RBFOX1: variants seen among roughly 807,000 people sequenced by gnomAD.
RBFOX1 encodes the protein RNA binding protein fox-1 homolog 1.
RBFOX1 carries 8 observed loss-of-function variants against 57.7 expected under a neutral mutation model. That is an observed-to-expected ratio of 0.14 (90% confidence interval 0.08 to 0.25). The LOEUF is 0.25. Ranked by LOEUF, RBFOX1 falls within the 10% of genes least tolerant of loss-of-function variation. The probability of loss-of-function intolerance (pLI) is 1.00; values close to 1 mark genes in which losing one functional copy is unlikely to be tolerated. For missense variants in RBFOX1, 611 were observed against 548.5 expected (o/e 1.11, Z -1.14); for synonymous variants, 326 against 222.4 (o/e 1.47, Z -4.15).
chr16:5,928,966 G>A lies in RBFOX1; in HGVS notation c.351+61631G>A, dbSNP rs184901655. Among the ~76,000 whole-genome samples the A allele has an allele frequency of 4.0e-5, 6 of 151,356 alleles. No individual in the cohort carries two copies. In the South Asian group the frequency reaches 1.2e-3, roughly 31 times the overall value. The stretch of plus-strand genomic sequence containing the variant: ...AGGGATGCTCGCCTCAAAAGGAGGG[G>A]TTGCAGATCCAGCTGTGAGCTGGTC... On this transcript the variant is annotated intron_variant, in intron 4 of 19. Transcript: ENST00000641259.
chr16:7,139,693 G>A (rs1260530385), intron 4 of RBFOX1, among the ~76,000 whole-genome samples: 3 of 152,146 alleles, frequency 2.0e-5, no homozygotes, highest in Non-Finnish European at 4.4e-5. Flanking sequence ...TTTCAAGAAT[G>A]TTGGGTTGGT....
chr16:5,269,344 T>C (rs558371935), intron 1 of RBFOX1, among the ~76,000 whole-genome samples: 184 of 152,392 alleles, frequency 1.2e-3, no homozygotes, highest in African/African-American at 4.2e-3. Flanking sequence ...TGGCCACTTA[T>C]ATGTCTTCCT....
Position 7,439,945 on chromosome 16 carries a change from C to CT in RBFOX1, c.28-78199dup, listed in dbSNP as rs1223191346. Among the ~76,000 whole-genome samples, 182 of 113,382 alleles carry CT rather than the reference C, an allele frequency of 1.6e-3. 11 individuals carry two copies. The highest frequency in any genetic ancestry group is 2.1e-3 in the Non-Finnish European group (113 of 53,584). 74.4% of individuals were successfully genotyped at this position (113,382 alleles called of 152,430 possible). A position where few individuals can be genotyped will look rare whatever the true frequency, so the allele number is the denominator to read the frequency against. On this transcript the variant is annotated intron_variant, in intron 4 of 15. Coordinates refer to ENST00000550418, the MANE Select transcript of RBFOX1 (RefSeq NM_018723.4). ...GAACCACAAAACAACCAAATCTTTT[C>CT]TTTCTTTTTTTTTTTTTTTTTTTTG...
At chr16:7,131,178 C>G (rs752120648) in intron 4 of RBFOX1, among the ~76,000 whole-genome samples, 5 of 151,830 alleles carry the variant, frequency 3.3e-5, no homozygotes, top group African/African-American at 4.8e-5. Context: ...AACCACATCT[C>G]TACTAAAAAT....
rs1256765928 is a variant in RBFOX1 at position 5,488,523 on chromosome 16, AGAT to A, written c.258+21274_258+21276del. 2.3e-5 allele frequency among the ~76,000 whole-genome samples: 3 copies of A among 129,382 alleles called. No homozygotes were observed. The East Asian group carries it at 7.6e-4, about 33-fold the overall frequency. 84.9% of individuals were successfully genotyped at this position (129,382 alleles called of 152,430 possible). ...TTATAGTGATGATGGTGATGATTGAAGATGATGGTGTGGCGGGGTGTGATGGTG... is the reference window on the plus strand; with the variant it reads ...TTATAGTGATGATGGTGATGATTGAAGATGGTGTGGCGGGGTGTGATGGTG... On this transcript the variant is annotated intron_variant, in intron 2 of 2. Coordinates refer to the RBFOX1 transcript ENST00000585867.
At chr16:7,209,228 G>A (rs1045468833) in intron 4 of RBFOX1, among the ~76,000 whole-genome samples, 31 of 151,810 alleles carry the variant, frequency 2.0e-4, no homozygotes, top group African/African-American at 6.8e-4. Flanking sequence ...CCAGCTACTT[G>A]GGAGACTGAG....
chr16:6,085,650 T>TTGTGTGTG (rs71142678), intron 1 of RBFOX1, among the ~76,000 whole-genome samples: 5,919 of 150,404 alleles, frequency 0.039, 276 homozygotes, highest in African/African-American at 0.11. Flanking sequence ...CAGTGTGTGT[T>TTGTGTGTG]TGTGTGTGTG....
chr16:5,339,554 C>T (rs1190795371), intron 1 of RBFOX1, among the ~76,000 whole-genome samples: 1 of 128,934 alleles, frequency 7.8e-6, no homozygotes, highest in Non-Finnish European at 1.6e-5. Flanking sequence ...ACAATCTTAG[C>T]TCACTGCAAG....
intron 14 of RBFOX1, among the ~76,000 whole-genome samples, chr16:7,689,008 G>C (rs1568470261): frequency 1.3e-5 from 2 of 151,988 alleles, no homozygotes; most frequent in African/African-American, 2.4e-5. Context: ...CTGTGTTCAG[G>C]TTTCACCTCT....
intron 3 of RBFOX1, among the ~76,000 whole-genome samples, chr16:6,959,605 A>G (rs1472852151): frequency 3.3e-5 from 5 of 152,142 alleles, no homozygotes; most frequent in African/African-American, 1.2e-4. Context: ...GGCCTCTGTA[A>G]CAACTGTTCC....
intron 3 of RBFOX1, among the ~76,000 whole-genome samples, chr16:6,963,436 G>T (rs2083433158): frequency 6.6e-6 from 1 of 152,124 alleles, no homozygotes; most frequent in Non-Finnish European, 1.5e-5. Flanking sequence ...CCAAATGGTT[G>T]GTGACAACAT....
At chr16:7,680,403 C>G (rs991557613) in intron 14 of RBFOX1, among the ~76,000 whole-genome samples, 10 of 152,134 alleles carry the variant, frequency 6.6e-5, no homozygotes, top group Admixed American at 2.6e-4. Flanking sequence ...GCTTGTCCTG[C>G]TTGCTAACAC....
chr16:5,643,509 C>G (rs1031781912), intron 3 of RBFOX1, among the ~76,000 whole-genome samples: 2 of 152,182 alleles, frequency 1.3e-5, no homozygotes, highest in African/African-American at 4.8e-5. Flanking sequence ...ACTTCACACA[C>G]CCAGCCTAGG....
chr16:7,617,843 C>A (rs1007575069), intron 10 of RBFOX1, among the ~76,000 whole-genome samples: 1 of 152,094 alleles, frequency 6.6e-6, no homozygotes, highest in Non-Finnish European at 1.5e-5. Flanking sequence ...TAACAAGGCT[C>A]TCTGCATGAG....
chr16:5,640,817 A>G (rs1443437935), intron 3 of RBFOX1, among the ~76,000 whole-genome samples: 3 of 131,150 alleles, frequency 2.3e-5, no homozygotes, highest in African/African-American at 2.6e-5. Flanking sequence ...CATGCACACC[A>G]TGGATACACA....
intron 3 of RBFOX1, among the ~76,000 whole-genome samples, chr16:6,960,005 AC>A (rs1243858070): frequency 6.6e-6 from 1 of 151,814 alleles, no homozygotes; most frequent in Admixed American, 6.6e-5. Context: ...TGTAACAAAA[AC>A]CCCCCAAGAG....
chr16:7,464,384 C>A (rs2060115735), intron 4 of RBFOX1, among the ~76,000 whole-genome samples: 1 of 152,004 alleles, frequency 6.6e-6, no homozygotes, highest in African/African-American at 2.4e-5. Flanking sequence ...GCTGGTAAAA[C>A]AGTCGCATCC....
intron 2 of RBFOX1, among the ~76,000 whole-genome samples, chr16:5,596,334 C>T (rs1483043013): frequency 6.6e-6 from 1 of 152,184 alleles, no homozygotes; most frequent in Non-Finnish European, 1.5e-5. Context: ...TTAATTTTGA[C>T]TCAAACCTAA....
chr16:7,543,667 CTGTGTGTGTGTGTGTGTGTGTGTGTG>C (rs71150310), intron 5 of RBFOX1, among the ~76,000 whole-genome samples: 1,942 of 141,520 alleles, frequency 0.014, 31 homozygotes, highest in African/African-American at 0.046. Context: ...TGGGCAGTAT[CTGTGTGTGTGTGTGTGTGTGTGTGTG>C]TGTGTGTGTG....
Sources: allele counts gnomAD v4.1 joint callset (sites outside exome capture counted in the v4.1 genomes callset), GRCh38; gene constraint gnomAD v4.1.1; transcripts MANE v1.5; gene names NCBI Gene and HGNC (gene_info 2026-07-23, HGNC 2026-07-21).